Variants in MED12L observed in about 807,000 individuals in gnomAD.
MED12L encodes mediator complex subunit 12L.
A neutral mutation model predicts 281.3 loss-of-function variants in MED12L; 60 were observed. That is an observed-to-expected ratio of 0.21 (90% CI 0.17 to 0.26). The LOEUF (loss-of-function observed/expected upper bound fraction) is 0.26, where lower values mean the gene tolerates loss of function less well. MED12L is among the 10% of genes least tolerant of loss of function. MED12L has a pLI of 1.00. For synonymous variants in MED12L, 974 were observed against 987.2 expected (o/e 0.99, Z 0.25); for missense variants, 2,146 against 2,680.9 (o/e 0.80, Z 4.41).
chr3:151,086,755 G>C (rs1719272911), intron 1 of MED12L, 43 bp from the exon 2 acceptor site: 2 of 552,344 alleles, frequency 3.6e-6, no homozygotes, highest in Admixed American at 3.6e-5. Flanking sequence ...TCTGCTGCCG[G>C]GCAGCGGCAG....
chr3:151,416,284 G>A (rs1717539126), intron 42 of MED12L, 28 bp from the exon 43 acceptor site: 27 of 1,612,428 alleles, frequency 1.7e-5, no homozygotes, highest in Non-Finnish European at 2.3e-5. Flanking sequence ...TTCCTTTTAA[G>A]TGTATAACAT....
In MED12L at chr3:151,200,491, C is replaced by T. The variant is rs116192001; in HGVS notation, c.2250+6825C>T. On this transcript the variant is annotated intron_variant, in intron 16 of 44. Coordinates refer to ENST00000687756, the MANE Select transcript of MED12L (RefSeq NM_001393769.1). ...AGCAAATATAAGTTATAGTGACCAA[C>T]ATTGAAGGCCAGATCAGCTACTCTG... 6.3e-3 allele frequency among the ~76,000 whole-genome samples: 965 copies of T among 152,312 alleles called. 10 individuals are homozygous for T. The highest frequency in any genetic ancestry group is 0.022 in the African/African-American group (927 of 41,564).
chr3:151,393,425 T>G (rs956350344), intron 38 of MED12L, among the ~76,000 whole-genome samples: 1 of 152,148 alleles, frequency 6.6e-6, no homozygotes, highest in African/African-American at 2.4e-5. Flanking sequence ...TAAGTAAACA[T>G]AGAGTAGAGG....
chr3:151,420,258 C>A (rs567588385), intron 43 of MED12L, among the ~76,000 whole-genome samples: 6 of 152,080 alleles, frequency 3.9e-5, no homozygotes, highest in African/African-American at 1.4e-4. Context: ...CTTGATAGTC[C>A]GGGTCAGTCA....
intron 16 of MED12L, among the ~76,000 whole-genome samples, chr3:151,295,591 C>G (rs961399742): frequency 9.9e-5 from 15 of 152,064 alleles, no homozygotes; most frequent in African/African-American, 3.6e-4. Flanking sequence ...AATACAATAG[C>G]CAACACATGG....
At chr3:151,144,065 G>A (rs1222148873) in intron 5 of MED12L, among the ~76,000 whole-genome samples, 1 of 152,162 alleles carries the variant, frequency 6.6e-6, no homozygotes, top group East Asian at 1.9e-4. Flanking sequence ...AGAAGGAGCT[G>A]AGCCTGTTGG....
chr3:151,260,371 A>G (rs1738632604), intron 16 of MED12L, among the ~76,000 whole-genome samples: 3 of 152,086 alleles, frequency 2.0e-5, no homozygotes, highest in African/African-American at 7.2e-5. Context: ...GTTTTTTGAG[A>G]CAGGGTCTTG....
intron 39 of MED12L, among the ~76,000 whole-genome samples, chr3:151,407,980 T>C (rs182433183): frequency 6.6e-6 from 1 of 152,330 alleles, no homozygotes; most frequent in African/African-American, 2.4e-5. Context: ...ATTAGGATGA[T>C]TTTAAGAGGC....
At chr3:151,412,929 T>A (rs1717123418) in intron 41 of MED12L, among the ~76,000 whole-genome samples, 1 of 152,258 alleles carries the variant, frequency 6.6e-6, no homozygotes. Flanking sequence ...ATTGCATGAC[T>A]GCAATTTTAC....
In MED12L at chr3:151,411,298, A is replaced by G. The variant is rs1407507435; in HGVS notation, c.5931A>G (p.Thr1977=). 2.5e-6 allele frequency: 4 copies of G among 1,614,218 alleles called. No individual in the cohort carries two copies. Among genetic ancestry groups the G allele is most frequent in the Middle Eastern group, 1.6e-4 (1 of 6,062 alleles). The part of the protein sequence containing the change: ...QQAQTMPQGY[T]MYGTQMPLQQ... The stretch of plus-strand genomic sequence containing the variant: ...TGCAGACCATGCCACAGGGCTATAC[A>G]ATGTATGGGACACAGATGCCTTTGC... The change falls in exon 41 of 45, where the codon ACA becomes ACG. Residue 1977 remains threonine (T), a synonymous_variant. Transcript: ENST00000687756.
chr3:151,300,113 ATGC>A, intron 16 of MED12L: 1 of 1,598,174 alleles, frequency 6.3e-7, no homozygotes, highest in Non-Finnish European at 8.6e-7. Context: ...TTCAGTTGTG[ATGC>A]ACTGTAAGCA....
chr3:151,157,783 A>G (rs1719471185), intron 6 of MED12L, among the ~76,000 whole-genome samples: 1 of 152,220 alleles, frequency 6.6e-6, no homozygotes, highest in Non-Finnish European at 1.5e-5. Context: ...TTGCAGTGGA[A>G]CACTGGTAAT....
At position 151,411,394 on chromosome 3, in the gene MED12L, C is replaced by T. The variant is rs752539468; in HGVS notation, c.6027C>T (p.Ala2009=). ...SPSYNSRAYP[A]AHSNPVLMER... is the part of the protein sequence containing the mutation. ...GCTATAACTCCAGAGCCTATCCGGC[C>T]GCACATTCCAACCCCGTGCTAATGG... The change falls in exon 41 of 45, where the codon GCC becomes GCT. Residue 2009 remains alanine (A), a synonymous_variant. Transcript: ENST00000687756. 1.7e-5 allele frequency: 28 copies of T among 1,614,132 alleles called. No homozygotes were observed. The highest frequency in any genetic ancestry group is 8.0e-5 in the African/African-American group (6 of 75,016).
At chr3:151,282,457 A>G (rs1321320390) in intron 16 of MED12L, among the ~76,000 whole-genome samples, 2 of 151,796 alleles carry the variant, frequency 1.3e-5, no homozygotes, top group Non-Finnish European at 2.9e-5. Flanking sequence ...AAAGGATTCC[A>G]CTGGTTGTTG....
chr3:151,240,506 AT>A (rs1156508880), intron 16 of MED12L, among the ~76,000 whole-genome samples: 1 of 152,220 alleles, frequency 6.6e-6, no homozygotes, highest in Non-Finnish European at 1.5e-5. Context: ...TTTAAAATTT[AT>A]TTAATAGGAA....
intron 11 of MED12L, among the ~76,000 whole-genome samples, chr3:151,174,640 C>G (rs1472602722): frequency 6.6e-6 from 1 of 152,182 alleles, no homozygotes; most frequent in Non-Finnish European, 1.5e-5. Context: ...AAACTTGTCC[C>G]TTTCTCAGTC....
At chr3:151,256,100 T>C (rs1420318233) in intron 16 of MED12L, among the ~76,000 whole-genome samples, 1 of 152,254 alleles carries the variant, frequency 6.6e-6, no homozygotes, top group African/African-American at 2.4e-5. Flanking sequence ...TTTGTGTTTT[T>C]AATGAATATT....
intron 39 of MED12L, among the ~76,000 whole-genome samples, chr3:151,404,647 C>T (rs1045519408): frequency 7.2e-5 from 11 of 152,154 alleles, no homozygotes; most frequent in African/African-American, 2.7e-4. Flanking sequence ...TGTTATGTGC[C>T]TTTTATTACT....
intron 16 of MED12L, among the ~76,000 whole-genome samples, chr3:151,224,346 A>T (rs1243064820): frequency 6.6e-6 from 1 of 152,214 alleles, no homozygotes. Flanking sequence ...ATTCTGTATC[A>T]ATAGAAAATA....
Sources: gnomAD v4.1 joint callset for allele counts (sites outside exome capture counted in the v4.1 genomes callset) on GRCh38, gnomAD v4.1.1 for gene constraint, MANE v1.5 for transcripts, NCBI Gene and HGNC (gene_info 2026-07-23, HGNC 2026-07-21) for gene names.